The following CDYL variants were observed in gnomAD, a reference collection of about 807,000 sequenced individuals.
CDYL encodes chromodomain Y-like protein.
A neutral mutation model predicts 47.3 loss-of-function variants in CDYL; 8 were observed. That is an observed-to-expected ratio of 0.17 (90% CI 0.10 to 0.31). The LOEUF (loss-of-function observed/expected upper bound fraction) is 0.31. Among genes scored for constraint, CDYL ranks in the 10% least tolerant of loss-of-function variants. CDYL has a pLI of 1.00. For synonymous variants in CDYL, 266 were observed against 265.0 expected (o/e 1.00, Z -0.04); for missense variants, 471 against 701.4 (o/e 0.67, Z 3.71).
At chr6:4,867,083 A>T (rs1433785359) in intron 1 of CDYL, among the ~76,000 whole-genome samples, 4 of 152,248 alleles carry the variant, frequency 2.6e-5, no homozygotes, top group Admixed American at 6.5e-5. Context: ...TGTTTCATCG[A>T]TAATTTCTCA....
chr6:4,820,576 G>T (rs1759805942), intron 1 of CDYL, among the ~76,000 whole-genome samples: 1 of 152,162 alleles, frequency 6.6e-6, no homozygotes, highest in African/African-American at 2.4e-5. Flanking sequence ...GAGGGACTTT[G>T]ATCTTCACCA....
chr6:4,733,408 T>G (rs1294676130), intron 2 of CDYL, among the ~76,000 whole-genome samples: 1 of 145,430 alleles, frequency 6.9e-6, no homozygotes, highest in Non-Finnish European at 1.5e-5. Flanking sequence ...AAAATGTATG[T>G]GACTCAGATA....
intron 5 of CDYL, among the ~76,000 whole-genome samples, chr6:4,949,836 TCAAAC>T (rs754362344): frequency 1.3e-5 from 2 of 152,222 alleles, no homozygotes; most frequent in South Asian, 2.1e-4. Context: ...TGACTGTCGT[TCAAAC>T]CAACTCACTG....
At chr6:4,745,405 GA>G (rs756679199) in intron 3 of CDYL, among the ~76,000 whole-genome samples, 38 of 150,590 alleles carry the variant, frequency 2.5e-4, no homozygotes, top group Middle Eastern at 3.5e-3. Context: ...TCCTCTCTCA[GA>G]AAACCCCCTC....
chr6:4,762,644 C>CAAAAAAAAAAA (rs1561840210), intron 3 of CDYL, among the ~76,000 whole-genome samples: 1 of 37,422 alleles, frequency 2.7e-5, no homozygotes, highest in Non-Finnish European at 4.8e-5. Flanking sequence ...TTAAAGGGTA[C>CAAAAAAAAAAA]CAAAAAAAAA....
chr6:4,823,388 T>A (rs764789064), intron 1 of CDYL, among the ~76,000 whole-genome samples: 4 of 152,218 alleles, frequency 2.6e-5, no homozygotes, highest in Non-Finnish European at 4.4e-5. Flanking sequence ...AGTGCATGGA[T>A]ACACATGGAA....
At chr6:4,925,409 C>CTTTTTTTTTTTTTT (rs58457972) in intron 2 of CDYL, among the ~76,000 whole-genome samples, 14 of 109,294 alleles carry the variant, frequency 1.3e-4, no homozygotes, top group Non-Finnish European at 1.7e-4. Flanking sequence ...ATTCTTTTTT[C>CTTTTTTTTTTTTTT]TTTTTTTTTT....
At chr6:4,830,416 A>G (rs947116675) in intron 1 of CDYL, among the ~76,000 whole-genome samples, 6 of 152,102 alleles carry the variant, frequency 3.9e-5, no homozygotes, top group Non-Finnish European at 4.4e-5. Context: ...GCCCCCTGCT[A>G]TATTCTAGAT....
chr6:4,852,451 T>TCTTCCTTCCTTCCTTCCAAA, intron 1 of CDYL, among the ~76,000 whole-genome samples: 1 of 119,956 alleles, frequency 8.3e-6, no homozygotes, highest in Non-Finnish European at 1.8e-5. Context: ...TTCCTTCCAA[T>TCTTCCTTCCTTCCTTCCAAA]CTTCCTTCCT....
At chr6:4,712,310 T>A (rs954348132) in intron 1 of CDYL, among the ~76,000 whole-genome samples, 1 of 152,150 alleles carries the variant, frequency 6.6e-6, no homozygotes, top group African/African-American at 2.4e-5. Context: ...GTTAAAGTGA[T>A]TTCCATCCCC....
At chr6:4,800,182 T>A (rs1446735600) in intron 1 of CDYL, among the ~76,000 whole-genome samples, 1 of 152,148 alleles carries the variant, frequency 6.6e-6, no homozygotes, top group Admixed American at 6.5e-5. Context: ...ATTAGGTCTA[T>A]CATTTTTTGC....
chr6:4,912,149 A>G (rs570196136), intron 2 of CDYL, among the ~76,000 whole-genome samples: 4 of 152,344 alleles, frequency 2.6e-5, no homozygotes, highest in Non-Finnish European at 4.4e-5. Context: ...AAAGAACGAG[A>G]TGATCCCTGG....
At chr6:4,780,330 T>C (rs1399073128) in intron 1 of CDYL, among the ~76,000 whole-genome samples, 1 of 146,708 alleles carries the variant, frequency 6.8e-6, no homozygotes, top group African/African-American at 2.5e-5. Context: ...CCTCCCGGGT[T>C]CAAAGCTATT....
intron 3 of CDYL, among the ~76,000 whole-genome samples, chr6:4,738,447 A>G (rs1257200263): frequency 6.6e-6 from 1 of 152,246 alleles, no homozygotes; most frequent in African/African-American, 2.4e-5. Context: ...ACAAACATGT[A>G]AATGCAAATA....
intron 1 of CDYL, among the ~76,000 whole-genome samples, chr6:4,872,237 G>A (rs1173703432): frequency 1.3e-5 from 2 of 151,150 alleles, no homozygotes; most frequent in Non-Finnish European, 2.9e-5. Context: ...TGTGAAACCT[G>A]TCATGACCTT....
chr6:4,773,300 G>A (rs889914768), upstream of CDYL: 1 of 382,656 alleles, frequency 2.6e-6, no homozygotes, highest in Non-Finnish European at 5.2e-6. This position sits in a 1 kb window ranked among gnomAD's most constrained non-coding sequence, Gnocchi z 4.6. Context: ...GTATTGTGCT[G>A]TATGTATTTT....
intron 1 of CDYL, among the ~76,000 whole-genome samples, chr6:4,708,023 A>T (rs1226587492): frequency 2.6e-5 from 4 of 151,656 alleles, no homozygotes; most frequent in Non-Finnish European, 5.9e-5. Context: ...TAGTTGGAAA[A>T]CATTGTCAGA....
At chr6:4,841,881 A>G (rs1271109557) in intron 1 of CDYL, among the ~76,000 whole-genome samples, 1 of 150,992 alleles carries the variant, frequency 6.6e-6, no homozygotes, top group Non-Finnish European at 1.5e-5. Context: ...GTTGTTGGAT[A>G]AAATGTTCTA....
chr6:4,887,482 T>C (rs1255621383), intron 1 of CDYL, among the ~76,000 whole-genome samples: 1 of 152,170 alleles, frequency 6.6e-6, no homozygotes, highest in Non-Finnish European at 1.5e-5. Context: ...TGATCATTGC[T>C]ACTGTATAGA....
Sources: gnomAD v4.1 joint callset for allele counts (sites outside exome capture counted in the v4.1 genomes callset) on GRCh38, gnomAD v4.1.1 for gene constraint, Gnocchi (gnomAD v3.1) non-coding constraint, MANE v1.5 for transcripts, NCBI Gene and HGNC (gene_info 2026-07-23, HGNC 2026-07-21) for gene names.